KCNH5: variants seen among roughly 807,000 people sequenced by gnomAD.
KCNH5 encodes potassium voltage-gated channel subfamily H member 5, also known as voltage-gated delayed rectifier potassium channel KCNH5.
Under a neutral mutation model 96.1 loss-of-function variants are expected in KCNH5, and 46 were observed. The ratio of observed to expected loss-of-function variants is 0.48; its 90% CI spans 0.38 to 0.61. The LOEUF is 0.61. KCNH5 is among the 20% of genes least tolerant of loss of function. The probability of loss-of-function intolerance (pLI) is 0.00; values close to 1 mark genes in which losing one functional copy is unlikely to be tolerated. For synonymous variants in KCNH5, 439 were observed against 449.8 expected (o/e 0.98, Z 0.30); for missense variants, 907 against 1,225.8 (o/e 0.74, Z 3.88).
chr14:62,969,590 G>A (rs1330683985), intron 6 of KCNH5, among the ~76,000 whole-genome samples: 3 of 151,844 alleles, frequency 2.0e-5, no homozygotes, highest in African/African-American at 4.8e-5. Context: ...CTGATGGGGG[G>A]CTGCCAGGGA....
intron 7 of KCNH5, among the ~76,000 whole-genome samples, chr14:62,908,867 C>T (rs1889086933): frequency 8.1e-6 from 1 of 124,086 alleles, no homozygotes; most frequent in Non-Finnish European, 1.6e-5. Context: ...GTGACTCCTT[C>T]TAGCAAATCA....
At chr14:62,922,749 T>C (rs1329651705) in intron 7 of KCNH5, among the ~76,000 whole-genome samples, 2 of 151,988 alleles carry the variant, frequency 1.3e-5, no homozygotes, top group Non-Finnish European at 2.9e-5. Context: ...TTGACATATT[T>C]ATTGATAAAA....
intron 8 of KCNH5, among the ~76,000 whole-genome samples, chr14:62,826,962 G>C (rs1887239935): frequency 6.6e-6 from 1 of 151,956 alleles, no homozygotes; most frequent in Admixed American, 6.6e-5. Context: ...GGGTGATCAA[G>C]ATCAAAAGAT....
At chr14:62,990,908 A>G (rs1405920072) in intron 4 of KCNH5, among the ~76,000 whole-genome samples, 2 of 152,060 alleles carry the variant, frequency 1.3e-5, no homozygotes, top group African/African-American at 4.8e-5. Context: ...CCAAGAGGGG[A>G]AAATCCCCTT....
chr14:62,994,568 GC>G (rs1027282747), intron 4 of KCNH5, among the ~76,000 whole-genome samples: 1 of 151,900 alleles, frequency 6.6e-6, no homozygotes, highest in African/African-American at 2.4e-5. Flanking sequence ...GGAACACTTT[GC>G]CCCCTTAAAT....
chr14:62,957,576 T>C (rs1318901353), intron 6 of KCNH5, among the ~76,000 whole-genome samples: 1 of 152,232 alleles, frequency 6.6e-6, no homozygotes, highest in Non-Finnish European at 1.5e-5. Flanking sequence ...GTCTGTTTCC[T>C]ATCTCTTAAA....
rs573390912 is a variant in KCNH5 at position 62,728,812 on chromosome 14, T to C, written c.2020-20357A>G. ...TGAAATGCATTCTCTTTGTCAGTAT[T>C]AGTTATTAATATAGTAGGAATTCAT... On this transcript the variant is annotated intron_variant, in intron 10 of 10. Transcript: ENST00000322893. Among the ~76,000 whole-genome samples the C allele has an allele frequency of 3.2e-4, 49 of 152,278 alleles. No individual in the cohort carries two copies. In the South Asian group the frequency reaches 9.7e-3, roughly 30 times the overall value.
At chr14:63,043,686 C>A (rs1212915836) in intron 1 of KCNH5, among the ~76,000 whole-genome samples, 3 of 152,112 alleles carry the variant, frequency 2.0e-5, no homozygotes, top group African/African-American at 7.2e-5. Flanking sequence ...AAGTTTAAAA[C>A]CTCAAATTAA....
chr14:62,849,589 A>G (rs1887764066), intron 8 of KCNH5, 64 bp downstream of exon 8: 2 of 1,330,080 alleles, frequency 1.5e-6, no homozygotes, highest in Admixed American at 3.4e-5. Flanking sequence ...GTGACTGGAA[A>G]AGCTTAATGC....
chr14:62,817,827 T>C (rs61994857), intron 8 of KCNH5, among the ~76,000 whole-genome samples: 27,460 of 144,118 alleles, frequency 0.19, 2,834 homozygotes, highest in East Asian at 0.4. Context: ...TTATATATAT[T>C]ATATATATAT....
rs71120238 is a variant in KCNH5, at chr14:62,840,566, C to CTTTTTTTTTTTTTTTT, written c.1569+9071_1569+9086dup. 6.3e-3 allele frequency among the ~76,000 whole-genome samples: 482 copies of CTTTTTTTTTTTTTTTT among 76,344 alleles called. 1 individual carries two copies. The highest frequency in any genetic ancestry group is 8.8e-3 in the Middle Eastern group (1 of 114). The allele number at this position is 76,344 out of a possible 152,430, so 50.1% of individuals were successfully genotyped here. On this transcript the variant is annotated intron_variant, in intron 8 of 10. Transcript: ENST00000322893. ...TTTGTTTTTCTTTTTTCTTTTTTTTCTTTTTTTTTTTTTTTTTTTTTTTGA... is the reference window on the plus strand; with the variant it reads ...TTTGTTTTTCTTTTTTCTTTTTTTTCTTTTTTTTTTTTTTTTTTTTTTTTTTTTTTTTTTTTTTTGA...
At chr14:62,932,788 C>T (rs1243037861) in intron 7 of KCNH5, among the ~76,000 whole-genome samples, 1 of 152,022 alleles carries the variant, frequency 6.6e-6, no homozygotes, top group African/African-American at 2.4e-5. Context: ...AAATGGAGTC[C>T]TCTGAACAGT....
chr14:62,935,642 C>T (rs1889665633), intron 7 of KCNH5, among the ~76,000 whole-genome samples: 1 of 152,206 alleles, frequency 6.6e-6, no homozygotes, highest in Non-Finnish European at 1.5e-5. Context: ...CAAGCGGCAG[C>T]CCATGCTCCA....
rs115559157 is a variant in KCNH5, at chr14:62,831,924, G to A, written c.1569+17729C>T. On this transcript the variant is annotated intron_variant, in intron 8 of 10. Coordinates refer to ENST00000322893, the MANE Select transcript of KCNH5 (RefSeq NM_139318.5). ...GACAAAGTCTCACTATGTTACCCAG[G>A]GTGGTCTTAAACTCCTTGGCTCAAA... Among the ~76,000 whole-genome samples, 8 of 151,956 alleles carry A rather than the reference G, an allele frequency of 5.3e-5. No individual in the cohort carries two copies. The South Asian group carries it at 1.7e-3, about 32-fold the overall frequency.
chr14:63,040,532 T>G (rs1185700793), intron 1 of KCNH5, among the ~76,000 whole-genome samples: 1 of 152,130 alleles, frequency 6.6e-6, no homozygotes, highest in Non-Finnish European at 1.5e-5. Context: ...AAAAACACTG[T>G]GTGGTTTTAT....
At position 62,866,759 on chromosome 14, in the gene KCNH5, T is replaced by C. The variant is rs557546264; in HGVS notation, c.1370-16907A>G. Among the ~76,000 whole-genome samples, 7 of 152,164 alleles carry C rather than the reference T, an allele frequency of 4.6e-5. No homozygotes were observed. In the South Asian group the frequency reaches 1.2e-3, roughly 27 times the overall value. The stretch of plus-strand genomic sequence containing the variant: ...GTTCCCATTTAATCCTTCTGACAAA[T>C]ATGGGAGGGGCATTCCTTTCCATTT... On this transcript the variant is annotated intron_variant, in intron 7 of 10. Transcript: ENST00000322893.
chr14:62,786,220 T>C (rs1026745413), intron 9 of KCNH5, among the ~76,000 whole-genome samples: 2 of 151,960 alleles, frequency 1.3e-5, no homozygotes, highest in Non-Finnish European at 2.9e-5. Flanking sequence ...TAAATAAAAA[T>C]TACCACAGGT....
At chr14:63,025,743 T>G (rs1371575929) in intron 1 of KCNH5, among the ~76,000 whole-genome samples, 1 of 151,960 alleles carries the variant, frequency 6.6e-6, no homozygotes, top group Admixed American at 6.6e-5. Flanking sequence ...ATATATCCTG[T>G]GTTCATGGAC....
intron 9 of KCNH5, among the ~76,000 whole-genome samples, chr14:62,782,961 C>G (rs896285691): frequency 3.3e-5 from 5 of 152,168 alleles, no homozygotes; most frequent in African/African-American, 1.2e-4. Context: ...GGCATTTATT[C>G]TAATTGCCTA....
Sources: allele counts gnomAD v4.1 joint callset (sites outside exome capture counted in the v4.1 genomes callset), GRCh38; gene constraint gnomAD v4.1.1; transcripts MANE v1.5; gene names NCBI Gene and HGNC (gene_info 2026-07-23, HGNC 2026-07-21).